OCIAD1: variants seen among roughly 807,000 people sequenced by gnomAD.
OCIAD1 encodes OCIA domain containing 1.
OCIAD1 carries 29 observed loss-of-function variants against 38.9 expected under a neutral mutation model. That is an observed-to-expected ratio of 0.74 (90% CI 0.55 to 1.02). The LOEUF (loss-of-function observed/expected upper bound fraction) is 1.02, where lower values mean the gene tolerates loss of function less well. OCIAD1 is among the 50% of genes least tolerant of loss of function. The pLI is 0.00. For missense variants in OCIAD1, 288 were observed against 289.6 expected (o/e 0.99, Z 0.04); for synonymous variants, 110 against 92.0 (o/e 1.20, Z -1.12).
chr4:48,812,282 CAAAAAAAAAAAAA>C (rs397881494), intron 1 of OCIAD1, among the ~76,000 whole-genome samples: 729 of 25,048 alleles, frequency 0.029, 2 homozygotes, highest in Non-Finnish European at 0.037. Context: ...GAGTTGGTCT[CAAAAAAAAAAAAA>C]AAAAAAAAAA....
intron 1 of OCIAD1, among the ~76,000 whole-genome samples, chr4:48,818,894 GA>G (rs948992505): frequency 9.9e-5 from 15 of 151,836 alleles, no homozygotes; most frequent in Admixed American, 7.2e-4. Context: ...GAAAAGGAAT[GA>G]AAAAAACCTT....
At chr4:48,808,615 T>C (rs1777054786) in intron 1 of OCIAD1, among the ~76,000 whole-genome samples, 2 of 152,164 alleles carry the variant, frequency 1.3e-5, no homozygotes, top group Non-Finnish European at 2.9e-5. Flanking sequence ...AACCCATTCC[T>C]CCACATGAAA....
chr4:48,845,607 T>C (rs1250336690), intron 4 of OCIAD1, among the ~76,000 whole-genome samples: 8 of 152,234 alleles, frequency 5.3e-5, no homozygotes, highest in Admixed American at 3.9e-4. Context: ...TTTTGTCTAG[T>C]TGTTTGGGAA....
chr4:48,806,395 C>T (rs1777025070), intron 1 of OCIAD1, among the ~76,000 whole-genome samples: 1 of 152,136 alleles, frequency 6.6e-6, no homozygotes. Flanking sequence ...TCATTCTTTT[C>T]CAAAATCACT....
chr4:48,838,037 G>A (rs928010094), intron 3 of OCIAD1, among the ~76,000 whole-genome samples: 6 of 152,242 alleles, frequency 3.9e-5, no homozygotes, highest in South Asian at 2.1e-4. Context: ...ACAAAAAGCG[G>A]CTGGGCTTGG....
At chr4:48,841,759 G>A (rs1289832275) in intron 3 of OCIAD1, among the ~76,000 whole-genome samples, 1 of 152,118 alleles carries the variant, frequency 6.6e-6, no homozygotes. Context: ...CTGTTAGACA[G>A]TGCTGGTGTA....
At chr4:48,860,690 C>T (rs775851496) in intron 8 of OCIAD1, 35 bp from the exon 9 acceptor site, 3 of 1,452,126 alleles carry the variant, frequency 2.1e-6, no homozygotes, top group South Asian at 1.2e-5. Flanking sequence ...CTTATTATTG[C>T]TTGGAATCAT....
intron 1 of OCIAD1, among the ~76,000 whole-genome samples, chr4:48,824,529 C>A (rs1777229174): frequency 6.6e-6 from 1 of 151,818 alleles, no homozygotes. Flanking sequence ...TACAGGCATG[C>A]ACTAGCACAC....
intron 3 of OCIAD1, among the ~76,000 whole-genome samples, chr4:48,838,834 A>G (rs941060579): frequency 2.6e-5 from 4 of 152,316 alleles, no homozygotes; most frequent in Middle Eastern, 3.4e-3. Flanking sequence ...TTTCCTTAAG[A>G]TAACTATGTT....
At chr4:48,835,806 G>A (rs1267512753) in intron 3 of OCIAD1, among the ~76,000 whole-genome samples, 1 of 152,156 alleles carries the variant, frequency 6.6e-6, no homozygotes, top group Non-Finnish European at 1.5e-5. Flanking sequence ...TGGCAACATA[G>A]TGAGACCCTG....
At chr4:48,821,118 T>A (rs2109495069) in intron 1 of OCIAD1, among the ~76,000 whole-genome samples, 1 of 152,296 alleles carries the variant, frequency 6.6e-6, no homozygotes, top group South Asian at 2.1e-4. Context: ...TTCTGGCCAA[T>A]ATCCCTGATG....
At chr4:48,825,383 C>T (rs2109498543) in intron 1 of OCIAD1, among the ~76,000 whole-genome samples, 1 of 152,314 alleles carries the variant, frequency 6.6e-6, no homozygotes, top group East Asian at 1.9e-4. Context: ...GGTATGCATC[C>T]AGGGTATCTA....
chr4:48,820,534 CA>C (rs1368814852), intron 1 of OCIAD1, among the ~76,000 whole-genome samples: 3 of 151,954 alleles, frequency 2.0e-5, no homozygotes, highest in Admixed American at 2.0e-4. Flanking sequence ...TAGCAGAAAA[CA>C]AGAAATAACT....
At chr4:48,823,689 G>T (rs1777220056) in intron 1 of OCIAD1, among the ~76,000 whole-genome samples, 1 of 151,590 alleles carries the variant, frequency 6.6e-6, no homozygotes, top group East Asian at 1.9e-4. Flanking sequence ...TTTAGAGAAG[G>T]TCTTGTTCTG....
chr4:48,834,469 A>AT (rs1777801143), intron 3 of OCIAD1, among the ~76,000 whole-genome samples: 1 of 151,638 alleles, frequency 6.6e-6, no homozygotes, highest in South Asian at 2.1e-4. Flanking sequence ...TGCCTGGCAA[A>AT]TTTTTTTTTA....
intron 6 of OCIAD1, among the ~76,000 whole-genome samples, chr4:48,850,320 A>G (rs993601900): frequency 2.6e-5 from 4 of 152,176 alleles, no homozygotes; most frequent in African/African-American, 7.2e-5. Flanking sequence ...GTACAATGGC[A>G]TGATCCTAGC....
intron 3 of OCIAD1, among the ~76,000 whole-genome samples, chr4:48,840,281 C>A (rs2109543707): frequency 6.6e-6 from 1 of 152,316 alleles, no homozygotes; most frequent in African/African-American, 2.4e-5. Context: ...TTATATGATT[C>A]TTCAGTGCTT....
intron 7 of OCIAD1, among the ~76,000 whole-genome samples, chr4:48,853,806 C>A (rs1488475624): frequency 6.6e-6 from 1 of 152,096 alleles, no homozygotes; most frequent in Non-Finnish European, 1.5e-5. Flanking sequence ...TGTTGGACAG[C>A]ACTACTTAAG....
At chr4:48,844,033 A>G (rs1778762736) in intron 4 of OCIAD1, among the ~76,000 whole-genome samples, 1 of 152,304 alleles carries the variant, frequency 6.6e-6, no homozygotes, top group South Asian at 2.1e-4. Context: ...CAAAGAAGAA[A>G]GATCTTTGTA....
Sources: gnomAD v4.1 joint callset for allele counts (sites outside exome capture counted in the v4.1 genomes callset) on GRCh38, gnomAD v4.1.1 for gene constraint, MANE v1.5 for transcripts, NCBI Gene and HGNC (gene_info 2026-07-23, HGNC 2026-07-21) for gene names.